CRYBG3: variants seen among roughly 807,000 people sequenced by gnomAD.
CRYBG3 encodes very large A-kinase anchor protein.
A neutral mutation model predicts 244.2 loss-of-function variants in CRYBG3; 127 were observed. That is an observed-to-expected ratio of 0.52 (90% confidence interval 0.45 to 0.60). The LOEUF (loss-of-function observed/expected upper bound fraction) is 0.60. CRYBG3 is among the 20% of genes least tolerant of loss of function. CRYBG3 has a pLI of 0.00. For missense variants in CRYBG3, 3,325 were observed against 3,442.5 expected (o/e 0.97, Z 0.85); for synonymous variants, 1,132 against 1,195.8 (o/e 0.95, Z 1.10).
intron 15 of CRYBG3, among the ~76,000 whole-genome samples, chr3:97,909,036 G>A (rs572826004): frequency 9.5e-4 from 144 of 152,146 alleles, no homozygotes; most frequent in Admixed American, 2.8e-3. Flanking sequence ...TGAAATTCTG[G>A]GTTGAAAATT....
At chr3:97,939,417 G>A (rs1017239943) in intron 19 of CRYBG3, among the ~76,000 whole-genome samples, 6 of 151,956 alleles carry the variant, frequency 3.9e-5, no homozygotes, top group Non-Finnish European at 8.8e-5. Context: ...TACTGCTTTG[G>A]TTCATATTCT....
rs748979849 is a variant in CRYBG3, at chr3:97,943,209, TG to T, written c.8825-15del. ...TGCCTGAACAAATAATCTTTTCTTT[TG>T]GAATTTCTATTTTAGGAGGAAATTA... On this transcript the variant is annotated splice_polypyrimidine_tract_variant and intron_variant, in intron 21 of 21. Transcript: ENST00000389622. The T allele has an allele frequency of 7.0e-7, 1 of 1,433,388 alleles. No individual in the cohort carries two copies. The highest frequency in any genetic ancestry group is 9.7e-7 in the Non-Finnish European group (1 of 1,025,820). 88.8% of individuals were successfully genotyped at this position (1,433,388 alleles called of 1,614,324 possible). A position where few individuals can be genotyped will look rare whatever the true frequency, so the allele number is the denominator to read the frequency against.
intron 15 of CRYBG3, 64 bp from the exon 16 acceptor site, chr3:97,912,103 A>G (rs1464197882): frequency 1.3e-6 from 1 of 743,020 alleles, no homozygotes; most frequent in Non-Finnish European, 2.2e-6. Context: ...AAAGGTTTTT[A>G]TTTGCTCGTG....
chr3:97,937,622 C>T (rs936011532), intron 19 of CRYBG3, among the ~76,000 whole-genome samples: 5 of 152,062 alleles, frequency 3.3e-5, no homozygotes, highest in African/African-American at 1.2e-4. Context: ...TCTACAAAAA[C>T]ACTGTATGCA....
chr3:97,874,174 T>C lies in CRYBG3; in HGVS notation c.2980T>C (p.Ser994Pro), dbSNP rs2039341780. ...EMAELSLTNI[S>P]PKFQETGSMK... is the part of the protein sequence containing the mutation. ...GGCGGAACTCAGCTTAACTAATATT[T>C]CCCCTAAATTCCAAGAAACTGGCAG... The change falls in exon 4 of 22, where the codon TCC becomes CCC. Residue 994 changes from serine to proline, a missense_variant. Ser to Pro is a moderately conservative substitution (Grantham distance 74). Coordinates refer to ENST00000389622, the MANE Select transcript of CRYBG3 (RefSeq NM_153605.4). The C allele has an allele frequency of 6.5e-7, 1 of 1,529,422 alleles. No individual in the cohort carries two copies. Among genetic ancestry groups the C allele is most frequent in the Admixed American group, 2.0e-5 (1 of 49,378 alleles). 94.7% of individuals were successfully genotyped at this position (1,529,422 alleles called of 1,614,324 possible).
At chr3:97,854,179 A>T (rs1176355177) in intron 2 of CRYBG3, among the ~76,000 whole-genome samples, 1 of 152,112 alleles carries the variant, frequency 6.6e-6, no homozygotes, top group South Asian at 2.1e-4. Flanking sequence ...TTTGGTCAAC[A>T]TGCCTATCTT....
Position 97,941,190 on chromosome 3 carries a change from T to C in CRYBG3, c.8548T>C (p.Tyr2850His), listed in dbSNP as rs1417387550. 1.9e-6 allele frequency: 3 copies of C among 1,611,748 alleles called. No homozygotes were observed. The change falls in exon 20 of 22, where the codon TAT becomes CAT. Residue 2850 changes from tyrosine (Y) to histidine (H), a missense_variant. Tyr to His is a moderately conservative substitution (Grantham distance 83). Transcript: ENST00000389622. ...AATAAAGAACCGTGCCCAGGGTGAA[T>C]ATCTGACAGTCACTGGAAGTCTAGC... ...IRIKNRAQGE[Y>H]LTVTGSLADT...
intron 1 of CRYBG3, among the ~76,000 whole-genome samples, chr3:97,828,705 G>T (rs1320220464): frequency 3.3e-5 from 5 of 151,588 alleles, no homozygotes; most frequent in Non-Finnish European, 7.4e-5. Flanking sequence ...GTGCTTGCCT[G>T]TAATCCCAGC....
intron 17 of CRYBG3, among the ~76,000 whole-genome samples, chr3:97,916,491 A>G (rs1008170335): frequency 2.6e-5 from 4 of 152,156 alleles, no homozygotes; most frequent in African/African-American, 9.7e-5. Flanking sequence ...CCCCTAGTCA[A>G]TAGGATCTGT....
chr3:97,914,176 C>G (rs2039902542), intron 16 of CRYBG3, among the ~76,000 whole-genome samples: 1 of 151,998 alleles, frequency 6.6e-6, no homozygotes, highest in African/African-American at 2.4e-5. Flanking sequence ...TATATACTTA[C>G]CTCTGAAAAG....
chr3:97,914,673 G>A (rs981921715), intron 16 of CRYBG3, among the ~76,000 whole-genome samples: 3 of 152,106 alleles, frequency 2.0e-5, no homozygotes, highest in African/African-American at 7.2e-5. Flanking sequence ...TTTCTTACAA[G>A]GGCTAAATAA....
At chr3:97,937,531 T>G (rs1046081791) in intron 19 of CRYBG3, among the ~76,000 whole-genome samples, 1 of 152,074 alleles carries the variant, frequency 6.6e-6, no homozygotes, top group South Asian at 2.1e-4. Context: ...AAATTCTACT[T>G]AAGTGTCAGG....
At chr3:97,889,462 A>C (rs1351724206) in intron 10 of CRYBG3, 72 bp downstream of exon 10, 7 of 1,273,808 alleles carry the variant, frequency 5.5e-6, no homozygotes, top group Non-Finnish European at 8.0e-6. Context: ...TAATTTTGAA[A>C]CATTGGAATA....
intron 2 of CRYBG3, among the ~76,000 whole-genome samples, chr3:97,856,850 G>A (rs148393440): frequency 4.7e-4 from 72 of 151,980 alleles, no homozygotes; most frequent in East Asian, 3.7e-3. Flanking sequence ...ATAAAAAACC[G>A]ACTTTATGTT....
At chr3:97,871,382 CT>C (rs1222576676) in intron 3 of CRYBG3, among the ~76,000 whole-genome samples, 10 of 152,158 alleles carry the variant, frequency 6.6e-5, no homozygotes, top group Admixed American at 6.5e-4. Flanking sequence ...CTAAACATTG[CT>C]GTTCAAATTC....
chr3:97,896,146 G>T, intron 12 of CRYBG3, 61 bp downstream of exon 12: 2 of 1,473,680 alleles, frequency 1.4e-6, no homozygotes, highest in Non-Finnish European at 1.9e-6. Context: ...ACAAAAATTG[G>T]ACATGACTCC....
rs762791957 is a variant in CRYBG3, at chr3:97,873,465, G to A, written c.2271G>A (p.Gly757=). ...AAGCCAGTGGCCCTCACTTAACTGG[G>A]TTGGAGCTATTGAGCTTTGACTCTG... The part of the protein sequence containing the change: ...GSEASGPHLT[G]LELLSFDSGN... Residue 757 remains glycine (G), a synonymous_variant, in exon 4 of 22, where the codon GGG becomes GGA. Coordinates refer to ENST00000389622, the MANE Select transcript of CRYBG3 (RefSeq NM_153605.4). 1 of 1,535,868 alleles carries A rather than the reference G, an allele frequency of 6.5e-7. No individual in the cohort carries two copies. Among genetic ancestry groups the A allele is most frequent in the Non-Finnish European group, 8.7e-7 (1 of 1,146,806 alleles).
chr3:97,869,194 T>G (rs1302594033), intron 3 of CRYBG3, among the ~76,000 whole-genome samples: 2 of 152,182 alleles, frequency 1.3e-5, no homozygotes, highest in African/African-American at 4.8e-5. Context: ...CTTTCATTGT[T>G]TTGTTTTATT....
At chr3:97,860,042 T>G (rs2039123688) in intron 2 of CRYBG3, among the ~76,000 whole-genome samples, 1 of 152,172 alleles carries the variant, frequency 6.6e-6, no homozygotes. Flanking sequence ...TTGTCTTTCC[T>G]TCCTTCTAGT....
Sources: gnomAD v4.1 joint callset for allele counts (sites outside exome capture counted in the v4.1 genomes callset) on GRCh38, gnomAD v4.1.1 for gene constraint, MANE v1.5 for transcripts, NCBI Gene and HGNC (gene_info 2026-07-23, HGNC 2026-07-21) for gene names.